The following BNC2 variants were observed in gnomAD, a reference collection of about 807,000 sequenced individuals.
BNC2 encodes the protein zinc finger protein basonuclin-2.
In BNC2, 20 loss-of-function variants were observed where a neutral mutation model predicts 76.3. The observed-to-expected ratio is 0.26, with a 90% CI of 0.18 to 0.38. The LOEUF (loss-of-function observed/expected upper bound fraction) is 0.38. Among genes scored for constraint, BNC2 ranks in the 10% least tolerant of loss-of-function variants. The pLI is 1.00. For missense variants in BNC2, 1,382 were observed against 1,399.8 expected, an observed-to-expected ratio of 0.99 and a Z score of 0.20; for synonymous variants, 582 against 514.8, an observed-to-expected ratio of 1.13 and a Z score of -1.77.
At chr9:16,718,253 G>A (rs1824048252) in intron 3 of BNC2, among the ~76,000 whole-genome samples, 1 of 152,164 alleles carries the variant, frequency 6.6e-6, no homozygotes, top group Non-Finnish European at 1.5e-5. Context: ...CCTGTATGAG[G>A]CCAGCTTTCC....
At chr9:16,805,796 G>A (rs1817895548) in intron 1 of BNC2, among the ~76,000 whole-genome samples, 1 of 151,968 alleles carries the variant, frequency 6.6e-6, no homozygotes, top group South Asian at 2.1e-4. Context: ...AAACCTAATG[G>A]CTTAAAAATA....
chr9:16,665,923 C>T (rs1486017721), intron 3 of BNC2, among the ~76,000 whole-genome samples: 1 of 152,108 alleles, frequency 6.6e-6, no homozygotes, highest in Non-Finnish European at 1.5e-5. Context: ...ATTAGTTTTT[C>T]AGTCATACTT....
intron 5 of BNC2, among the ~76,000 whole-genome samples, chr9:16,486,425 A>T (rs1822166064): frequency 6.6e-6 from 1 of 152,166 alleles, no homozygotes; most frequent in African/African-American, 2.4e-5. Flanking sequence ...ATTAATACTG[A>T]AGCACACCCT....
At chr9:16,804,633 G>C (rs1037945543) in intron 1 of BNC2, among the ~76,000 whole-genome samples, 2 of 152,306 alleles carry the variant, frequency 1.3e-5, no homozygotes, top group South Asian at 2.1e-4. Context: ...AAACCAACTG[G>C]AACACGAAGT....
chr9:16,595,123 A>C (rs1320087635), intron 3 of BNC2, among the ~76,000 whole-genome samples: 1 of 152,122 alleles, frequency 6.6e-6, no homozygotes, highest in Admixed American at 6.6e-5. Flanking sequence ...GAAATGTCAA[A>C]ATCTGAAAAC....
intron 3 of BNC2, among the ~76,000 whole-genome samples, chr9:16,668,719 T>C (rs1563889767): frequency 2.0e-5 from 3 of 152,250 alleles, no homozygotes; most frequent in African/African-American, 4.8e-5. Context: ...AAAGGAAGAA[T>C]TGGCAGGGTG....
chr9:16,459,507 A>G (rs1469259272), intron 5 of BNC2, among the ~76,000 whole-genome samples: 1 of 152,192 alleles, frequency 6.6e-6, no homozygotes, highest in African/African-American at 2.4e-5. Flanking sequence ...CTCCAAGCCA[A>G]CTAGGAAGAA....
intron 3 of BNC2, among the ~76,000 whole-genome samples, chr9:16,602,513 G>T (rs1009752803): frequency 1.3e-5 from 2 of 152,156 alleles, no homozygotes; most frequent in Non-Finnish European, 2.9e-5. Flanking sequence ...AAATCTAAAT[G>T]TGGTATACTA....
chr9:16,861,553 C>T (rs569615719), intron 1 of BNC2, among the ~76,000 whole-genome samples: 2 of 151,962 alleles, frequency 1.3e-5, no homozygotes, highest in East Asian at 3.9e-4. Context: ...CACAAATGGC[C>T]AATAAAGTGC....
At position 16,790,726 on chromosome 9, in the gene BNC2, C is replaced by G. The variant is rs111255711; in HGVS notation, c.4-52241G>C. The stretch of plus-strand genomic sequence containing the variant: ...TTCATCACAACCACTTCATAACTGA[C>G]TTTGATAAGTTAGTTATCTTTCACT... On this transcript the variant is annotated intron_variant, in intron 1 of 6. Transcript: ENST00000380672. Among the ~76,000 whole-genome samples the G allele has an allele frequency of 1.9e-3, 287 of 150,820 alleles. 1 individual carries two copies. Among genetic ancestry groups the G allele is most frequent in the African/African-American group, 6.4e-3 (264 of 41,152 alleles).
intron 2 of BNC2, among the ~76,000 whole-genome samples, chr9:16,736,453 ATTAT>A (rs1409124542): frequency 1.3e-5 from 2 of 150,392 alleles, no homozygotes; most frequent in African/African-American, 4.9e-5. Flanking sequence ...ATTTATTATT[ATTAT>A]TGTTTATTAT....
intron 3 of BNC2, among the ~76,000 whole-genome samples, chr9:16,640,194 A>T (rs1441847436): frequency 6.6e-6 from 1 of 152,164 alleles, no homozygotes; most frequent in Non-Finnish European, 1.5e-5. Context: ...GAAGAAAACA[A>T]AGTCCTCAGA....
chr9:16,524,412 G>A (rs1246668156), intron 5 of BNC2, among the ~76,000 whole-genome samples: 3 of 152,104 alleles, frequency 2.0e-5, no homozygotes, highest in Non-Finnish European at 4.4e-5. Context: ...AAGATTTCTA[G>A]GTAAGCACTT....
chr9:16,464,367 T>C lies in BNC2; in HGVS notation c.670-26843A>G, dbSNP rs142008589. ...TAGGATTAAGATTAAATATTACCCA[T>C]ATTATTTTTTAATATTTAAATACTT... is the stretch of plus-strand genomic sequence containing the variant. On this transcript the variant is annotated intron_variant, in intron 5 of 6. Coordinates refer to ENST00000380672, the MANE Select transcript of BNC2 (RefSeq NM_017637.6). Among the ~76,000 whole-genome samples, 161 of 152,080 alleles carry C rather than the reference T, an allele frequency of 1.1e-3. No homozygotes were observed. In the East Asian group the frequency reaches 0.019, roughly 18 times the overall value.
intron 2 of BNC2, among the ~76,000 whole-genome samples, chr9:16,733,470 C>A (rs1215735014): frequency 6.6e-6 from 1 of 151,732 alleles, no homozygotes; most frequent in Non-Finnish European, 1.5e-5. Context: ...AAAATTATAT[C>A]ATAATTTAAG....
chr9:16,784,590 G>A (rs530343471), intron 1 of BNC2, among the ~76,000 whole-genome samples: 9 of 152,310 alleles, frequency 5.9e-5, no homozygotes, highest in African/African-American at 1.4e-4. Context: ...AGAGGTAAGG[G>A]CTTACTCTGA....
At position 16,727,960 on chromosome 9, in the gene BNC2, G is replaced by C. The variant is rs146566771; in HGVS notation, c.167C>G (p.Thr56Arg). The C allele has an allele frequency of 5.5e-4, 893 of 1,613,986 alleles. 4 individuals are homozygous for C. The African/African-American group carries it at 8.4e-3, about 15-fold the overall frequency. The stretch of plus-strand genomic sequence containing the variant: ...CCTCTTTGGCTCTCTGTCTCTCTGT[G>C]TCTCTCTTTCTCTCACATCCACTTC... The part of the protein sequence containing the change: ...EAEVDVRERE[T>R]QRDREPKRAR... The change falls in exon 3 of 7, where the codon ACA (threonine) becomes AGA (arginine). Residue 56 changes from threonine to arginine, a missense_variant. Around this residue, in one of 3 missense-constraint regions of BNC2, gnomAD observed 557 missense variants for 540.9 expected, o/e 1.03. Transcript: ENST00000380672.
At chr9:16,558,897 G>A (rs1818922902) in intron 4 of BNC2, among the ~76,000 whole-genome samples, 1 of 146,714 alleles carries the variant, frequency 6.8e-6, no homozygotes, top group East Asian at 2.0e-4. Context: ...TTGTGCCACT[G>A]CACTCCAGCC....
intron 3 of BNC2, among the ~76,000 whole-genome samples, chr9:16,600,142 T>C (rs982543935): frequency 3.3e-5 from 5 of 152,204 alleles, no homozygotes; most frequent in African/African-American, 1.2e-4. Context: ...TGAACATCAG[T>C]TGGATTTCTG....
Sources: allele counts gnomAD v4.1 joint callset (sites outside exome capture counted in the v4.1 genomes callset), GRCh38; gene constraint gnomAD v4.1.1; regional missense constraint gnomAD v4.1.1; transcripts MANE v1.5; gene names NCBI Gene and HGNC (gene_info 2026-07-23, HGNC 2026-07-21).